The following SLC24A3 variants were observed in gnomAD, a reference collection of about 807,000 sequenced individuals.
The protein encoded by SLC24A3 is sodium/potassium/calcium exchanger 3.
A neutral mutation model predicts 75.8 loss-of-function variants in SLC24A3; 28 were observed. The observed-to-expected ratio is 0.37, with a 90% CI of 0.27 to 0.51. The LOEUF is 0.51. SLC24A3 is among the 20% of genes least tolerant of loss of function. The probability of loss-of-function intolerance (pLI) is 0.94; values close to 1 mark genes in which losing one functional copy is unlikely to be tolerated. For missense variants in SLC24A3, 663 were observed against 847.8 expected, an observed-to-expected ratio of 0.78 and a Z score of 2.71; for synonymous variants, 372 against 334.1, an observed-to-expected ratio of 1.11 and a Z score of -1.24.
chr20:19,424,728 CAAAAAAAAAACAACAACAAA>C (rs1233773082), intron 2 of SLC24A3, among the ~76,000 whole-genome samples: 56 of 99,504 alleles, frequency 5.6e-4, no homozygotes, highest in African/African-American at 1.6e-3. Flanking sequence ...GACCCTTTCT[CAAAAAAAAAACAACAACAAA>C]AAAAAAAAAA....
intron 6 of SLC24A3, among the ~76,000 whole-genome samples, chr20:19,648,724 G>A (rs562454820): frequency 6.6e-6 from 1 of 152,290 alleles, no homozygotes; most frequent in South Asian, 2.1e-4. Context: ...CAGAATTCCA[G>A]AAGAGAATGT....
At chr20:19,310,145 A>G (rs1268858788) in intron 2 of SLC24A3, among the ~76,000 whole-genome samples, 1 of 151,964 alleles carries the variant, frequency 6.6e-6, no homozygotes, top group Non-Finnish European at 1.5e-5. Flanking sequence ...CTAATAACTG[A>G]TTTTTCATTT....
intron 2 of SLC24A3, among the ~76,000 whole-genome samples, chr20:19,501,932 T>A (rs140844079): frequency 2.2e-3 from 328 of 152,236 alleles, no homozygotes; most frequent in Non-Finnish European, 2.7e-3. Context: ...GCAGCATAAG[T>A]TCCATGGAGG....
chr20:19,557,776 C>T (rs1250843491), intron 3 of SLC24A3, among the ~76,000 whole-genome samples: 5 of 152,198 alleles, frequency 3.3e-5, no homozygotes, highest in Non-Finnish European at 5.9e-5. Flanking sequence ...CTAACAGTGA[C>T]TTAAATCTGT....
intron 2 of SLC24A3, among the ~76,000 whole-genome samples, chr20:19,336,593 C>A (rs934745766): frequency 6.6e-6 from 1 of 151,962 alleles, no homozygotes; most frequent in Non-Finnish European, 1.5e-5. Flanking sequence ...ACCATGTTGG[C>A]CAGACTGGTC....
intron 2 of SLC24A3, among the ~76,000 whole-genome samples, chr20:19,302,948 T>A (rs934246105): frequency 6.6e-6 from 1 of 152,154 alleles, no homozygotes; most frequent in Admixed American, 6.5e-5. Context: ...AATGACCCAT[T>A]TAAGGTGTCA....
chr20:19,469,900 A>T (rs1194879004), intron 2 of SLC24A3, among the ~76,000 whole-genome samples: 3 of 152,130 alleles, frequency 2.0e-5, no homozygotes, highest in African/African-American at 7.2e-5. Context: ...TTCAAACCTA[A>T]AATTATTCCC....
At position 19,267,744 on chromosome 20, in the gene SLC24A3, C is replaced by A. The variant is rs572326534; in HGVS notation, c.143-13215C>A. ...TTTTCAAAATGCTCTCTCCATAGAG[C>A]AAATTTCTTTAGAAAAGCTTACTCT... On this transcript the variant is annotated intron_variant, in intron 1 of 16. Coordinates refer to ENST00000328041, the MANE Select transcript of SLC24A3 (RefSeq NM_020689.4). Among the ~76,000 whole-genome samples the A allele has an allele frequency of 6.6e-5, 10 of 152,174 alleles. No individual in the cohort carries two copies. In the East Asian group the frequency reaches 1.7e-3, roughly 26 times the overall value.
At chr20:19,684,539 A>C (rs1484666041) in intron 11 of SLC24A3, among the ~76,000 whole-genome samples, 1 of 152,170 alleles carries the variant, frequency 6.6e-6, no homozygotes, top group Non-Finnish European at 1.5e-5. Flanking sequence ...GACATGGACT[A>C]ATTTCCATTT....
At chr20:19,547,091 C>G (rs1287909600) in intron 3 of SLC24A3, among the ~76,000 whole-genome samples, 3 of 152,224 alleles carry the variant, frequency 2.0e-5, no homozygotes, top group Non-Finnish European at 4.4e-5. Context: ...CCTGTGGTAG[C>G]TATTATCACA....
chr20:19,482,485 C>T (rs1988071386), intron 2 of SLC24A3, among the ~76,000 whole-genome samples: 1 of 152,188 alleles, frequency 6.6e-6, no homozygotes, highest in Admixed American at 6.5e-5. Flanking sequence ...GGACATCTTC[C>T]TGGTGCTTAT....
intron 6 of SLC24A3, among the ~76,000 whole-genome samples, chr20:19,628,653 T>A (rs3790276): frequency 6.6e-6 from 1 of 151,880 alleles, no homozygotes; most frequent in African/African-American, 2.4e-5. Context: ...AGCACACTTT[T>A]GATACCTGGG....
intron 2 of SLC24A3, among the ~76,000 whole-genome samples, chr20:19,370,604 G>A (rs575444261): frequency 6.6e-6 from 1 of 152,374 alleles, no homozygotes; most frequent in African/African-American, 2.4e-5. Flanking sequence ...AAAGGTTGGA[G>A]AATGTATTTC....
At chr20:19,712,826 A>C (rs2033005269) in intron 15 of SLC24A3, among the ~76,000 whole-genome samples, 1 of 152,272 alleles carries the variant, frequency 6.6e-6, no homozygotes, top group Admixed American at 6.5e-5. Flanking sequence ...CTGTTGATGC[A>C]ATGAAAACAT....
At chr20:19,572,258 A>C (rs2122623087) in intron 3 of SLC24A3, among the ~76,000 whole-genome samples, 1 of 152,324 alleles carries the variant, frequency 6.6e-6, no homozygotes, top group Middle Eastern at 3.4e-3. Flanking sequence ...AAGTGGGAGG[A>C]TCCCTTGAGC....
chr20:19,537,209 G>A (rs957633350), intron 3 of SLC24A3, among the ~76,000 whole-genome samples: 3 of 152,140 alleles, frequency 2.0e-5, no homozygotes, highest in African/African-American at 7.2e-5. Flanking sequence ...ATCAAAAAGT[G>A]GGCGAAGGAT....
chr20:19,245,719 G>A (rs946752895), intron 1 of SLC24A3, among the ~76,000 whole-genome samples: 2 of 151,986 alleles, frequency 1.3e-5, no homozygotes, highest in Non-Finnish European at 2.9e-5. Context: ...TATTTGAGAC[G>A]ATTTTAATGC....
chr20:19,686,639 TC>T (rs1202732595), intron 12 of SLC24A3, among the ~76,000 whole-genome samples: 1 of 152,114 alleles, frequency 6.6e-6, no homozygotes. Context: ...AGTGTCAGAG[TC>T]CTGTGTTAAT....
At chr20:19,537,213 G>A (rs916099863) in intron 3 of SLC24A3, among the ~76,000 whole-genome samples, 1,676 of 152,192 alleles carry the variant, frequency 0.011, 32 homozygotes, top group African/African-American at 0.037. Flanking sequence ...AAAAGTGGGC[G>A]AAGGATATGA....
Sources: allele counts gnomAD v4.1 joint callset (sites outside exome capture counted in the v4.1 genomes callset), GRCh38; gene constraint gnomAD v4.1.1; transcripts MANE v1.5; gene names NCBI Gene and HGNC (gene_info 2026-07-23, HGNC 2026-07-21).